Variants in TEAD1 observed in about 807,000 individuals in gnomAD.
The protein encoded by TEAD1 is TEA domain transcription factor 1, also known as transcriptional enhancer factor TEF-1.
In TEAD1, 9 loss-of-function variants were observed where a neutral mutation model predicts 54.9. The observed-to-expected ratio is 0.16, with a 90% CI of 0.10 to 0.29. The LOEUF (loss-of-function observed/expected upper bound fraction) is 0.29, where lower values mean the gene tolerates loss of function less well. Ranked by LOEUF, TEAD1 falls within the 10% of genes least tolerant of loss-of-function variation. TEAD1 has a pLI of 1.00. For synonymous variants in TEAD1, 200 were observed against 187.8 expected (o/e 1.07, Z -0.53); for missense variants, 387 against 535.9 (o/e 0.72, Z 2.74).
intron 3 of TEAD1, among the ~76,000 whole-genome samples, chr11:12,774,084 G>GA (rs1945368544): frequency 1.3e-5 from 2 of 152,196 alleles, no homozygotes; most frequent in South Asian, 4.1e-4. Flanking sequence ...GGTGAAGCTG[G>GA]AGGGGCTGGT....
In TEAD1 at chr11:12,840,155, A is replaced by G. The variant is rs553055823; in HGVS notation, c.203-22095A>G. On this transcript the variant is annotated intron_variant, in intron 3 of 12. Coordinates refer to ENST00000527636, the MANE Select transcript of TEAD1 (RefSeq NM_021961.6). ...CCAGCTACTTGGGAGGCTGAGGCAG[A>G]AGAATGGCGTGAACCCGGGAGGCGG... is the stretch of plus-strand genomic sequence containing the variant. 2.1e-3 allele frequency among the ~76,000 whole-genome samples: 323 copies of G among 150,472 alleles called. 1 individual carries two copies. Among genetic ancestry groups the G allele is most frequent in the African/African-American group, 7.2e-3 (294 of 41,024 alleles).
In TEAD1 at chr11:12,806,966, A is replaced by G. The variant is rs376923153; in HGVS notation, c.202+42532A>G. Among the ~76,000 whole-genome samples, 151 of 152,338 alleles carry G rather than the reference A, an allele frequency of 9.9e-4. 1 individual carries two copies. The highest frequency in any genetic ancestry group is 3.5e-3 in the African/African-American group (146 of 41,572). The stretch of plus-strand genomic sequence containing the variant: ...GCAAAAAAAATTACAAAATATAACT[A>G]GTAATAAGTGGGATGCAATAAGAAT... On this transcript the variant is annotated intron_variant, in intron 3 of 12. Coordinates refer to ENST00000527636, the MANE Select transcript of TEAD1 (RefSeq NM_021961.6).
intron 3 of TEAD1, among the ~76,000 whole-genome samples, chr11:12,833,039 A>G (rs1946814143): frequency 6.6e-6 from 1 of 152,230 alleles, no homozygotes; most frequent in African/African-American, 2.4e-5. Context: ...ACATATTGCA[A>G]CCAAATAGAC....
At chr11:12,929,208 T>C (rs1948966802) in intron 11 of TEAD1, among the ~76,000 whole-genome samples, 1 of 95,884 alleles carries the variant, frequency 1.0e-5, no homozygotes, top group Non-Finnish European at 2.4e-5. Flanking sequence ...GTGTCTGCTT[T>C]AGGGTTATGT....
intron 10 of TEAD1, among the ~76,000 whole-genome samples, chr11:12,920,759 T>C (rs1948790342): frequency 6.6e-6 from 1 of 152,248 alleles, no homozygotes; most frequent in African/African-American, 2.4e-5. Flanking sequence ...AAGCTAGGAA[T>C]TTAAAGTTGA....
intron 3 of TEAD1, among the ~76,000 whole-genome samples, chr11:12,835,614 C>G (rs944053506): frequency 4.6e-5 from 7 of 151,866 alleles, no homozygotes; most frequent in Non-Finnish European, 1.0e-4. Flanking sequence ...GCCACCGTAC[C>G]CGGTGGCTCT....
intron 7 of TEAD1, among the ~76,000 whole-genome samples, chr11:12,881,576 G>A (rs1237318842): frequency 6.6e-6 from 1 of 152,214 alleles, no homozygotes; most frequent in African/African-American, 2.4e-5. Context: ...AGAGCCTGAA[G>A]CATGTCCCAC....
chr11:12,772,598 A>T (rs1019813043), intron 3 of TEAD1, among the ~76,000 whole-genome samples: 1 of 152,176 alleles, frequency 6.6e-6, no homozygotes, highest in African/African-American at 2.4e-5. Flanking sequence ...ATTAGCAGAG[A>T]GTATTACTTT....
chr11:12,929,163 CGTGTGTGT>C (rs60060462), intron 11 of TEAD1, among the ~76,000 whole-genome samples: 6 of 106,724 alleles, frequency 5.6e-5, no homozygotes, highest in African/African-American at 2.0e-4. Context: ...TTTGCTTTGC[CGTGTGTGT>C]GTGTGTGTGT....
chr11:12,850,518 C>T (rs560631351), intron 3 of TEAD1, among the ~76,000 whole-genome samples: 17 of 152,206 alleles, frequency 1.1e-4, no homozygotes, highest in African/African-American at 3.6e-4. Flanking sequence ...TACAGCAGCC[C>T]TCTAGAGTAG....
intron 3 of TEAD1, among the ~76,000 whole-genome samples, chr11:12,766,971 C>G (rs1945219961): frequency 6.6e-6 from 1 of 152,156 alleles, no homozygotes; most frequent in Admixed American, 6.5e-5. Context: ...AACATCCCCC[C>G]TGAACTCCCT....
intron 6 of TEAD1, among the ~76,000 whole-genome samples, chr11:12,880,056 G>A (rs1221363394): frequency 6.6e-6 from 1 of 152,112 alleles, no homozygotes; most frequent in Non-Finnish European, 1.5e-5. Flanking sequence ...AGGAGAAGGA[G>A]GAGGAGAGGA....
At chr11:12,837,200 TCTTCCTTTCTTGCCCA>T (rs956131457) in intron 3 of TEAD1, among the ~76,000 whole-genome samples, 1 of 152,250 alleles carries the variant, frequency 6.6e-6, no homozygotes, top group Non-Finnish European at 1.5e-5. Context: ...TTGGTTACCC[TCTTCCTTTCTTGCCCA>T]CTTAGCTATT....
At chr11:12,862,209 T>A in intron 3 of TEAD1, 41 bp from the exon 4 acceptor site, 1 of 1,563,628 alleles carries the variant, frequency 6.4e-7, no homozygotes, top group Non-Finnish European at 8.8e-7. Context: ...TGGTTTGGTG[T>A]TTTGGTAACC....
intron 3 of TEAD1, among the ~76,000 whole-genome samples, chr11:12,826,768 AC>A (rs1393956358): frequency 1.3e-5 from 2 of 152,208 alleles, no homozygotes; most frequent in African/African-American, 2.4e-5. Context: ...GCATATAGGA[AC>A]CCATTATTAA....
chr11:12,745,373 G>T (rs1229366264), intron 2 of TEAD1, among the ~76,000 whole-genome samples: 1 of 152,152 alleles, frequency 6.6e-6, no homozygotes, highest in African/African-American at 2.4e-5. Flanking sequence ...AAGACAGAAT[G>T]AAACTACAGT....
intron 2 of TEAD1, among the ~76,000 whole-genome samples, chr11:12,737,375 C>CTG (rs542740775): frequency 5.2e-4 from 79 of 151,854 alleles, no homozygotes; most frequent in Non-Finnish European, 8.5e-4. Flanking sequence ...TATCTTTTAC[C>CTG]TGTGATATTT....
chr11:12,836,405 G>A (rs1178580889), intron 3 of TEAD1, among the ~76,000 whole-genome samples: 1 of 145,360 alleles, frequency 6.9e-6, no homozygotes, highest in Admixed American at 6.9e-5. Context: ...GGGTGACAGA[G>A]CGAGACTCCG....
chr11:12,722,159 A>G (rs551116695), intron 2 of TEAD1, among the ~76,000 whole-genome samples: 3 of 152,300 alleles, frequency 2.0e-5, no homozygotes, highest in East Asian at 3.9e-4. Flanking sequence ...GGAGGAAACT[A>G]TTTCCCAGGG....
Sources: gnomAD v4.1 joint callset for allele counts (sites outside exome capture counted in the v4.1 genomes callset) on GRCh38, gnomAD v4.1.1 for gene constraint, MANE v1.5 for transcripts, NCBI Gene and HGNC (gene_info 2026-07-23, HGNC 2026-07-21) for gene names.